Variants in PKNOX2 observed in about 807,000 individuals in gnomAD.
PKNOX2 encodes PBX/knotted 1 homeobox 2.
In PKNOX2, 14 loss-of-function variants were observed where a neutral mutation model predicts 53.1. The ratio of observed to expected loss-of-function variants is 0.26; its 90% confidence interval spans 0.17 to 0.41. The LOEUF is 0.41. Among genes scored for constraint, PKNOX2 ranks in the 10% least tolerant of loss-of-function variants. The pLI is 1.00. For missense variants in PKNOX2, 496 were observed against 602.8 expected, an observed-to-expected ratio of 0.82 and a Z score of 1.85; for synonymous variants, 257 against 242.8, an observed-to-expected ratio of 1.06 and a Z score of -0.54.
chr11:125,382,252 A>G (rs997683463), intron 5 of PKNOX2, among the ~76,000 whole-genome samples: 2 of 152,248 alleles, frequency 1.3e-5, no homozygotes, highest in Non-Finnish European at 2.9e-5. Flanking sequence ...GAAAACACAC[A>G]GGACCCCACA....
At chr11:125,430,636 T>C (rs907654671) in intron 12 of PKNOX2, among the ~76,000 whole-genome samples, 2 of 152,200 alleles carry the variant, frequency 1.3e-5, no homozygotes, top group Non-Finnish European at 2.9e-5. Flanking sequence ...CATATGAAGA[T>C]AGCTCTGTAT....
chr11:125,192,627 C>G (rs1381053775), intron 1 of PKNOX2, among the ~76,000 whole-genome samples: 1 of 152,216 alleles, frequency 6.6e-6, no homozygotes, highest in Non-Finnish European at 1.5e-5. Flanking sequence ...TGTGGGGTGG[C>G]AGGTGCTTAC....
At position 125,334,456 on chromosome 11, in the gene PKNOX2, A is replaced by C. The variant is rs77660825; in HGVS notation, c.-23+2531A>C. On this transcript the variant is annotated intron_variant, in intron 3 of 12. Transcript: ENST00000298282. ...TATCTCCTCTTCTCAGTTGGTGAAC[A>C]CGTAGTTATTGGAGTCCTCTGGTTC... 7.1e-3 allele frequency among the ~76,000 whole-genome samples: 1,083 copies of C among 152,314 alleles called. 13 individuals carry two copies. Among genetic ancestry groups the C allele is most frequent in the African/African-American group, 0.025 (1,023 of 41,580 alleles).
intron 1 of PKNOX2, among the ~76,000 whole-genome samples, chr11:125,212,957 A>C (rs981165530): frequency 6.6e-6 from 1 of 151,996 alleles, no homozygotes; most frequent in Admixed American, 6.6e-5. Flanking sequence ...TTGCACCACC[A>C]TCTGACCCAG....
At chr11:125,177,401 T>A (rs926338823) in intron 1 of PKNOX2, among the ~76,000 whole-genome samples, 4 of 152,194 alleles carry the variant, frequency 2.6e-5, no homozygotes, top group Non-Finnish European at 4.4e-5. Flanking sequence ...GCCTCCTGCC[T>A]AGGGTTTGGG....
chr11:125,377,288 C>T (rs1474868604), intron 5 of PKNOX2, among the ~76,000 whole-genome samples: 2 of 152,186 alleles, frequency 1.3e-5, no homozygotes, highest in African/African-American at 4.8e-5. Flanking sequence ...CCCAGCTTCC[C>T]ACCCTAAATT....
intron 1 of PKNOX2, among the ~76,000 whole-genome samples, chr11:125,198,837 TCTTC>T (rs1345453770): frequency 3.0e-5 from 4 of 131,988 alleles, no homozygotes; most frequent in South Asian, 2.4e-4. Flanking sequence ...TTCTTCTTCT[TCTTC>T]TTTTTTTTTT....
Position 125,166,623 on chromosome 11 carries a change from G to A in PKNOX2, c.-201+1847G>A, listed in dbSNP as rs972894333. On this transcript the variant is annotated intron_variant, in intron 1 of 12. Transcript: ENST00000298282. This position sits in a 1 kb window ranked among gnomAD's most constrained non-coding sequence, Gnocchi z 4.0. ...GCCGCGGCCTGCGATGAAGGCCGGG[G>A]GGCAGCGCTAGCAGCGAGGTGCCAC... 1.3e-5 allele frequency among the ~76,000 whole-genome samples: 2 copies of A among 152,154 alleles called. No individual in the cohort carries two copies.
intron 1 of PKNOX2, among the ~76,000 whole-genome samples, chr11:125,218,417 A>G (rs1591484593): frequency 1.3e-5 from 2 of 148,856 alleles, no homozygotes; most frequent in African/African-American, 5.0e-5. Flanking sequence ...TGGGGGGGGG[A>G]CAGGAACTTG....
intron 5 of PKNOX2, among the ~76,000 whole-genome samples, chr11:125,383,090 C>G (rs1441862693): frequency 1.3e-5 from 2 of 152,170 alleles, no homozygotes; most frequent in South Asian, 2.1e-4. Context: ...TTTCCTCCCC[C>G]ACCACCCCTG....
At chr11:125,362,485 T>C (rs1031072429) in intron 4 of PKNOX2, among the ~76,000 whole-genome samples, 1 of 152,130 alleles carries the variant, frequency 6.6e-6, no homozygotes, top group Non-Finnish European at 1.5e-5. Context: ...GCAATCCTCC[T>C]GCCTCAGCCT....
chr11:125,343,658 GTT>G (rs1950824650), intron 3 of PKNOX2, among the ~76,000 whole-genome samples: 1 of 152,186 alleles, frequency 6.6e-6, no homozygotes, highest in African/African-American at 2.4e-5. Flanking sequence ...TTAAATTGCT[GTT>G]TCAGTTTGTA....
intron 6 of PKNOX2, among the ~76,000 whole-genome samples, chr11:125,396,044 C>T (rs1327722639): frequency 6.6e-6 from 1 of 151,772 alleles, no homozygotes; most frequent in Non-Finnish European, 1.5e-5. Flanking sequence ...ACGTCCACCT[C>T]CTGGGTTCAA....
chr11:125,338,929 G>A (rs1346243344), intron 3 of PKNOX2, among the ~76,000 whole-genome samples: 1 of 152,214 alleles, frequency 6.6e-6, no homozygotes, highest in Non-Finnish European at 1.5e-5. Context: ...GATAGGAAAT[G>A]GGTTGCGTTG....
chr11:125,386,617 G>T (rs903765411), intron 6 of PKNOX2, among the ~76,000 whole-genome samples: 2 of 152,104 alleles, frequency 1.3e-5, no homozygotes, highest in Non-Finnish European at 2.9e-5. Context: ...ATTAATGATA[G>T]TGCTATCCTC....
At chr11:125,351,992 C>G (rs775132776) in intron 4 of PKNOX2, among the ~76,000 whole-genome samples, 9 of 152,234 alleles carry the variant, frequency 5.9e-5, no homozygotes, top group Middle Eastern at 3.4e-3. Context: ...CAGCCGCCCC[C>G]CAAGATCTTC....
In PKNOX2 at chr11:125,165,158, G is replaced by T. The variant is rs1954762864; in HGVS notation, c.-201+382G>T. On this transcript the variant is annotated intron_variant, in intron 1 of 12. Coordinates refer to ENST00000298282, the MANE Select transcript of PKNOX2 (RefSeq NM_001382323.2). This position sits in a 1 kb window ranked among gnomAD's most constrained non-coding sequence, Gnocchi z 4.5. ...GCCAGCGCTCAGCCCCGCCGCCGCC[G>T]CCGCCGCCGCCTCGCCGCGCTTGGG... is the stretch of plus-strand genomic sequence containing the variant. Among the ~76,000 whole-genome samples, 1 of 148,580 alleles carries T rather than the reference G, an allele frequency of 6.7e-6. No homozygotes were observed. The highest frequency in any genetic ancestry group is 6.7e-5 in the Admixed American group (1 of 14,942).
intron 2 of PKNOX2, among the ~76,000 whole-genome samples, chr11:125,309,475 C>T (rs748077033): frequency 6.6e-6 from 1 of 151,462 alleles, no homozygotes; most frequent in African/African-American, 2.4e-5. Context: ...GCAAACTCCA[C>T]CTCCCAGGTT....
At chr11:125,197,318 G>A (rs536913034) in intron 1 of PKNOX2, among the ~76,000 whole-genome samples, 3 of 152,318 alleles carry the variant, frequency 2.0e-5, no homozygotes, top group East Asian at 1.9e-4. Context: ...GGCTTAGGGG[G>A]TGGCTGAGCA....
Sources: gnomAD v4.1 joint callset for allele counts (sites outside exome capture counted in the v4.1 genomes callset) on GRCh38, gnomAD v4.1.1 for gene constraint, Gnocchi (gnomAD v3.1) non-coding constraint, MANE v1.5 for transcripts, NCBI Gene and HGNC (gene_info 2026-07-23, HGNC 2026-07-21) for gene names.